The following ZHX2 variants were observed in gnomAD, a reference collection of about 807,000 sequenced individuals.
ZHX2 encodes zinc fingers and homeoboxes 2.
A neutral mutation model predicts 21.9 loss-of-function variants in ZHX2; 6 were observed. That is an observed-to-expected ratio of 0.27 (90% CI 0.15 to 0.54). The LOEUF is 0.54. Among genes scored for constraint, ZHX2 ranks in the 20% least tolerant of loss-of-function variants. ZHX2 has a pLI of 0.95. For synonymous variants in ZHX2, 434 were observed against 437.1 expected (o/e 0.99, Z 0.09); for missense variants, 908 against 1,090.7 (o/e 0.83, Z 2.36).
chr8:122,899,573 AC>A (rs1157259260), intron 2 of ZHX2, among the ~76,000 whole-genome samples: 1 of 152,002 alleles, frequency 6.6e-6, no homozygotes, highest in African/African-American at 2.4e-5. Context: ...CACTCAATAC[AC>A]CCCCTTTCCC....
intron 2 of ZHX2, among the ~76,000 whole-genome samples, chr8:122,883,839 C>T (rs891741505): frequency 3.3e-5 from 5 of 152,118 alleles, no homozygotes; most frequent in Admixed American, 1.3e-4. Context: ...CAGGTGTGGA[C>T]GGGTTTGGCT....
At chr8:122,834,959 G>A (rs967670738) in intron 1 of ZHX2, among the ~76,000 whole-genome samples, 14 of 152,206 alleles carry the variant, frequency 9.2e-5, no homozygotes, top group Non-Finnish European at 1.8e-4. Context: ...GTTGGGGACT[G>A]CCTCCGCACC....
chr8:122,795,016 C>A (rs936105667), intron 1 of ZHX2, among the ~76,000 whole-genome samples: 5 of 152,234 alleles, frequency 3.3e-5, no homozygotes, highest in African/African-American at 1.2e-4. Flanking sequence ...CACTTCTCCA[C>A]CCCAAGGGAA....
chr8:122,820,333 G>A (rs59889334), intron 1 of ZHX2, among the ~76,000 whole-genome samples: 14,982 of 152,190 alleles, frequency 0.098, 858 homozygotes, highest in African/African-American at 0.14. Flanking sequence ...CCTCAGAGGC[G>A]AGGAGATGGC....
At chr8:122,879,340 A>G (rs540580100) in intron 2 of ZHX2, among the ~76,000 whole-genome samples, 49 of 152,018 alleles carry the variant, frequency 3.2e-4, no homozygotes, top group African/African-American at 8.9e-4. Context: ...CCGAGTAGCT[A>G]GGATAACAGA....
chr8:122,859,967 T>G (rs1819121999), intron 1 of ZHX2, among the ~76,000 whole-genome samples: 2 of 152,246 alleles, frequency 1.3e-5, no homozygotes, highest in African/African-American at 4.8e-5. Flanking sequence ...ATATTGACAT[T>G]AGTACCTGTA....
intron 2 of ZHX2, among the ~76,000 whole-genome samples, chr8:122,950,346 T>G (rs942720227): frequency 1.3e-5 from 2 of 152,084 alleles, no homozygotes; most frequent in Admixed American, 6.6e-5. Context: ...CACCACATGT[T>G]CTCACTCATA....
Position 122,832,256 on chromosome 8 carries a change from A to C in ZHX2, c.-282-31221A>C, listed in dbSNP as rs146645606. Among the ~76,000 whole-genome samples the C allele has an allele frequency of 5.1e-3, 776 of 152,268 alleles. 6 individuals carry two copies. Among genetic ancestry groups the C allele is most frequent in the African/African-American group, 0.018 (745 of 41,532 alleles). On this transcript the variant is annotated intron_variant, in intron 1 of 3. Coordinates refer to ENST00000314393, the MANE Select transcript of ZHX2 (RefSeq NM_014943.5). ...GTGGGGCAGAGATGAGACTTAGTACACTGCGGTGAGCTAGCTTGTCTTTGA... is the reference window on the plus strand; with the variant it reads ...GTGGGGCAGAGATGAGACTTAGTACCCTGCGGTGAGCTAGCTTGTCTTTGA...
At chr8:122,847,358 C>T (rs1034500843) in intron 1 of ZHX2, among the ~76,000 whole-genome samples, 4 of 152,216 alleles carry the variant, frequency 2.6e-5, no homozygotes, top group Admixed American at 2.0e-4. Context: ...TGCCTCCTGC[C>T]CCAGGTGGCC....
chr8:122,843,685 C>A (rs1818687567), intron 1 of ZHX2, among the ~76,000 whole-genome samples: 1 of 152,208 alleles, frequency 6.6e-6, no homozygotes, highest in South Asian at 2.1e-4. Context: ...GGCTGATGTT[C>A]TGTTTGGCTG....
rs1817965431 is a variant in ZHX2 at position 122,813,165 on chromosome 8, C to CA, written c.-283+31220dup. Among the ~76,000 whole-genome samples, 3 of 148,582 alleles carry CA rather than the reference C, an allele frequency of 2.0e-5. No individual in the cohort carries two copies. In the South Asian group the frequency reaches 6.4e-4, roughly 32 times the overall value. ...GAGCCAAGATCACGCCACTGTACTC[C>CA]AGCCTGGGCAACAAGAGTGAAACTC... On this transcript the variant is annotated intron_variant, in intron 1 of 3. Coordinates refer to ENST00000314393, the MANE Select transcript of ZHX2 (RefSeq NM_014943.5).
intron 2 of ZHX2, among the ~76,000 whole-genome samples, chr8:122,910,735 T>C (rs1450501162): frequency 7.3e-6 from 1 of 137,058 alleles, no homozygotes; most frequent in African/African-American, 2.7e-5. Context: ...AGGCCCCTGC[T>C]GGGGGGTGGG....
intron 1 of ZHX2, among the ~76,000 whole-genome samples, chr8:122,830,343 A>G (rs1818348228): frequency 6.6e-6 from 1 of 152,114 alleles, no homozygotes; most frequent in South Asian, 2.1e-4. Context: ...GCTGGCGCAC[A>G]CTGCTGGCAC....
At chr8:122,781,121 A>G (rs999532130), upstream of ZHX2, 2 of 152,186 alleles carry the variant, frequency 1.3e-5, no homozygotes, top group African/African-American at 4.8e-5. The surrounding 1 kb of genome is among the most constrained non-coding windows in gnomAD (Gnocchi z 4.6). Context: ...AAGCCGGGCC[A>G]AGGCGCAGGC....
chr8:122,818,979 T>G (rs1181201647), intron 1 of ZHX2, among the ~76,000 whole-genome samples: 2 of 152,176 alleles, frequency 1.3e-5, no homozygotes, highest in African/African-American at 4.8e-5. Context: ...TCCTTAGCCA[T>G]AGGACCACAG....
At chr8:122,823,311 A>G (rs1448003983) in intron 1 of ZHX2, among the ~76,000 whole-genome samples, 1 of 152,242 alleles carries the variant, frequency 6.6e-6, no homozygotes, top group Admixed American at 6.5e-5. Flanking sequence ...GCTCTCTCTG[A>G]CATGTGAAAA....
chr8:122,850,177 C>A (rs551023568), intron 1 of ZHX2, among the ~76,000 whole-genome samples: 1 of 152,182 alleles, frequency 6.6e-6, no homozygotes, highest in Non-Finnish European at 1.5e-5. Flanking sequence ...CAAAATAGAT[C>A]TCCAACCCAA....
At chr8:122,847,071 T>C (rs1818768308) in intron 1 of ZHX2, among the ~76,000 whole-genome samples, 1 of 152,206 alleles carries the variant, frequency 6.6e-6, no homozygotes, top group Non-Finnish European at 1.5e-5. Context: ...TGAGGCATGA[T>C]GAGGCTGTGA....
intron 2 of ZHX2, among the ~76,000 whole-genome samples, chr8:122,920,643 T>C (rs1439623040): frequency 6.6e-6 from 1 of 152,182 alleles, no homozygotes; most frequent in African/African-American, 2.4e-5. Flanking sequence ...ATTGGAGGCA[T>C]GTGTCCACAT....
Sources: gnomAD v4.1 joint callset for allele counts (sites outside exome capture counted in the v4.1 genomes callset) on GRCh38, gnomAD v4.1.1 for gene constraint, Gnocchi (gnomAD v3.1) non-coding constraint, MANE v1.5 for transcripts, NCBI Gene and HGNC (gene_info 2026-07-23, HGNC 2026-07-21) for gene names.